The following LRBA variants were observed in gnomAD, a reference collection of about 807,000 sequenced individuals.
LRBA encodes LPS responsive beige-like anchor protein.
In LRBA, 176 loss-of-function variants were observed where a neutral mutation model predicts 330.0. The ratio of observed to expected loss-of-function variants is 0.53; its 90% CI spans 0.47 to 0.60. The LOEUF is 0.60. LRBA is among the 20% of genes least tolerant of loss of function. LRBA has a pLI of 0.00. For synonymous variants in LRBA, 1,230 were observed against 1,193.0 expected, an observed-to-expected ratio of 1.03 and a Z score of -0.64; for missense variants, 3,259 against 3,444.8, an observed-to-expected ratio of 0.95 and a Z score of 1.35.
At chr4:150,411,481 G>C (rs566769008) in intron 47 of LRBA, among the ~76,000 whole-genome samples, 1 of 152,242 alleles carries the variant, frequency 6.6e-6, no homozygotes, top group South Asian at 2.1e-4. Flanking sequence ...CTGATCCCCT[G>C]CTACCAACCG....
At chr4:150,927,079 A>G (rs1733960209) in intron 4 of LRBA, among the ~76,000 whole-genome samples, 1 of 141,120 alleles carries the variant, frequency 7.1e-6, no homozygotes. Flanking sequence ...CAAAAGAAAG[A>G]AAAAAAAAAA....
rs368042317 is a variant in LRBA, at chr4:150,496,575, C to T, written c.6331-5540G>A. Among the ~76,000 whole-genome samples the T allele has an allele frequency of 1.5e-4, 23 of 151,760 alleles. 1 individual carries two copies. Among genetic ancestry groups the T allele is most frequent in the Admixed American group, 9.8e-4 (15 of 15,242 alleles). ...TATTAAAAAGTGATAAAATGTTTTA[C>T]CTCAAAAAAAAGAAATACTTACATG... On this transcript the variant is annotated intron_variant, in intron 40 of 56. Transcript: ENST00000651943.
chr4:150,491,643 A>G (rs1758960958), intron 40 of LRBA, among the ~76,000 whole-genome samples: 1 of 152,128 alleles, frequency 6.6e-6, no homozygotes, highest in South Asian at 2.1e-4. Context: ...TGAACTTAGC[A>G]TAATCTCCCT....
intron 44 of LRBA, among the ~76,000 whole-genome samples, chr4:150,449,477 C>G (rs1170422446): frequency 6.7e-6 from 1 of 148,514 alleles, no homozygotes; most frequent in Non-Finnish European, 1.5e-5. Flanking sequence ...ATCCACCCCA[C>G]AACAAGCCTG....
Position 150,915,699 on chromosome 4 carries a change from T to C in LRBA, c.923A>G (p.Tyr308Cys), listed in dbSNP as rs754246944. The C allele has an allele frequency of 1.9e-6, 3 of 1,612,626 alleles. No homozygotes were observed. Among genetic ancestry groups the C allele is most frequent in the Admixed American group, 1.7e-5 (1 of 59,954 alleles). The change falls in exon 8 of 57, where the codon TAT becomes TGT. Residue 308 changes from tyrosine (Y) to cysteine (C), a missense_variant. Physicochemically the swap from Tyr to Cys is radical, Grantham distance 194. Transcript: ENST00000651943. ...KWYMVTIVHI[Y>C]NRWKNSELRC... ...AAGTTCACTATTCTTCCATCGGTTA[T>C]AGATGTGTACTATGGTAACCATATA... is the stretch of plus-strand genomic sequence containing the variant.
At chr4:150,976,271 A>G (rs1005558464) in intron 2 of LRBA, among the ~76,000 whole-genome samples, 1 of 152,060 alleles carries the variant, frequency 6.6e-6, no homozygotes, top group African/African-American at 2.4e-5. Context: ...AAATATATAA[A>G]TTACTTCTAA....
At chr4:150,308,328 G>A (rs771330355) in intron 52 of LRBA, among the ~76,000 whole-genome samples, 18 of 152,142 alleles carry the variant, frequency 1.2e-4, no homozygotes, top group Non-Finnish European at 2.4e-4. Flanking sequence ...CTGTGGTAAC[G>A]TTGTAGTGCA....
intron 2 of LRBA, among the ~76,000 whole-genome samples, chr4:150,954,770 A>G (rs1275623602): frequency 2.1e-5 from 3 of 145,256 alleles, no homozygotes; most frequent in Non-Finnish European, 3.0e-5. Context: ...AATAAATACT[A>G]AAAAATTTTT....
Position 150,908,475 on chromosome 4 carries a change from G to A in LRBA, c.1360-8C>T, listed in dbSNP as rs1447899470. On this transcript the variant is annotated splice_region_variant and splice_polypyrimidine_tract_variant and intron_variant, in intron 10 of 56. Coordinates refer to ENST00000651943, the MANE Select transcript of LRBA (RefSeq NM_001364905.1). ...TAAAACTGCCTTTACATCCTTGTAA[G>A]ATCAAAAACACAGTAAAGAGTTCAA... 1.1e-5 allele frequency: 17 copies of A among 1,581,356 alleles called. No homozygotes were observed. The highest frequency in any genetic ancestry group is 1.4e-5 in the African/African-American group (1 of 72,928).
chr4:150,391,251 T>C (rs1464653901), intron 47 of LRBA, among the ~76,000 whole-genome samples: 2 of 152,108 alleles, frequency 1.3e-5, no homozygotes, highest in African/African-American at 4.8e-5. Flanking sequence ...GGAACCCGGG[T>C]CCTTTGATGA....
At chr4:150,933,974 A>T (rs184983372) in intron 2 of LRBA, among the ~76,000 whole-genome samples, 219 of 152,138 alleles carry the variant, frequency 1.4e-3, no homozygotes, top group Non-Finnish European at 2.2e-3. Context: ...CAGCAGCCCA[A>T]GATTGTGCCA....
chr4:150,946,470 A>G (rs1015632149), intron 2 of LRBA, among the ~76,000 whole-genome samples: 6 of 152,196 alleles, frequency 3.9e-5, no homozygotes, highest in Non-Finnish European at 8.8e-5. Context: ...AAAGATAAAG[A>G]TCACAGAAAA....
intron 28 of LRBA, 38 bp from the exon 29 acceptor site, chr4:150,832,014 T>A (rs368128120): frequency 8.0e-7 from 1 of 1,257,304 alleles, no homozygotes; most frequent in Non-Finnish European, 1.1e-6. Context: ...TATGTAACCA[T>A]AAAATAACAT....
intron 34 of LRBA, among the ~76,000 whole-genome samples, chr4:150,789,508 T>C (rs957680950): frequency 2.0e-5 from 3 of 152,232 alleles, no homozygotes; most frequent in African/African-American, 7.2e-5. Flanking sequence ...ATAATAATTT[T>C]ATCGCAGCAC....
chr4:150,689,344 G>A (rs1338775245), intron 36 of LRBA, among the ~76,000 whole-genome samples: 1 of 152,014 alleles, frequency 6.6e-6, no homozygotes, highest in African/African-American at 2.4e-5. Context: ...AGCATTAAGA[G>A]AAATACCTAA....
intron 48 of LRBA, among the ~76,000 whole-genome samples, chr4:150,326,120 C>T (rs1180057874): frequency 3.3e-5 from 5 of 152,202 alleles, no homozygotes; most frequent in Non-Finnish European, 5.9e-5. Context: ...AAAACTTTCT[C>T]ATCTTGCTCA....
At chr4:150,618,199 T>C (rs934877760) in intron 37 of LRBA, among the ~76,000 whole-genome samples, 13 of 152,210 alleles carry the variant, frequency 8.5e-5, no homozygotes, top group Non-Finnish European at 1.5e-5. Flanking sequence ...CAAATTACTA[T>C]TGTTGAAAGT....
At chr4:150,423,327 C>G (rs1749089485) in intron 46 of LRBA, 1 of 726,158 alleles carries the variant, frequency 1.4e-6, no homozygotes, top group Non-Finnish European at 2.4e-6. Flanking sequence ...GGGGGACGAG[C>G]TCTGCGGACT....
chr4:150,502,815 GT>G (rs979572936), intron 40 of LRBA, among the ~76,000 whole-genome samples: 3 of 152,228 alleles, frequency 2.0e-5, no homozygotes, highest in Middle Eastern at 3.2e-3. Context: ...AAAGAAAGGG[GT>G]GACAGACGGC....
Sources: gnomAD v4.1 joint callset for allele counts (sites outside exome capture counted in the v4.1 genomes callset) on GRCh38, gnomAD v4.1.1 for gene constraint, MANE v1.5 for transcripts, NCBI Gene and HGNC (gene_info 2026-07-23, HGNC 2026-07-21) for gene names.